USH2A: variants seen among roughly 807,000 people sequenced by gnomAD.
USH2A encodes the protein Usher syndrome 2A (autosomal recessive, mild).
A neutral mutation model predicts 538.9 loss-of-function variants in USH2A; 443 were observed. The ratio of observed to expected loss-of-function variants is 0.82; its 90% CI spans 0.76 to 0.89. The LOEUF (loss-of-function observed/expected upper bound fraction) is 0.89. Among genes scored for constraint, USH2A ranks in the 40% least tolerant of loss-of-function variants. The pLI, the probability that USH2A is intolerant of heterozygous loss-of-function variation, is 0.00. For synonymous variants in USH2A, 2,413 were observed against 2,273.5 expected, an observed-to-expected ratio of 1.06 and a Z score of -1.75; for missense variants, 6,633 against 6,324.8, an observed-to-expected ratio of 1.05 and a Z score of -1.65.
chr1:216,130,546 T>C (rs1029633656), intron 21 of USH2A, among the ~76,000 whole-genome samples: 128 of 146,022 alleles, frequency 8.8e-4, no homozygotes, highest in African/African-American at 3.0e-3. Flanking sequence ...ATATAAAATA[T>C]ATATTTATAT....
chr1:215,668,676 G>A (rs1657707339), intron 64 of USH2A, among the ~76,000 whole-genome samples: 1 of 152,174 alleles, frequency 6.6e-6, no homozygotes, highest in Non-Finnish European at 1.5e-5. Context: ...GTCATCCTTA[G>A]TGCCTGATGA....
chr1:215,830,559 T>C (rs1663283350), intron 47 of USH2A, among the ~76,000 whole-genome samples: 1 of 152,106 alleles, frequency 6.6e-6, no homozygotes, highest in South Asian at 2.1e-4. Context: ...ATCATATCAT[T>C]CTAGCCAAAA....
intron 11 of USH2A, among the ~76,000 whole-genome samples, chr1:216,271,149 C>T (rs534912274): frequency 2.4e-4 from 36 of 152,034 alleles, no homozygotes; most frequent in Non-Finnish European, 4.1e-4. Context: ...TTCAATAGCT[C>T]CCTATTGCCT....
chr1:215,845,890 T>C lies in USH2A; in HGVS notation c.8989A>G (p.Ile2997Val). 1.2e-6 allele frequency: 2 copies of C among 1,613,912 alleles called. No homozygotes were observed. The highest frequency in any genetic ancestry group is 1.7e-6 in the Non-Finnish European group (2 of 1,179,916). ...CTGTGGACTCCATTGAAGACAGAGA[T>C]AAAGATCCAATACTCTGTGTTTGGC... ...LKPNTEYWIF[I>V]SVFNGVHSIN... The change falls in exon 45 of 72, where the codon ATC (isoleucine) becomes GTC (valine). Residue 2997 changes from isoleucine to valine, a missense_variant. Physicochemically the swap from Ile to Val is conservative, Grantham distance 29. Coordinates refer to ENST00000307340, the MANE Select transcript of USH2A (RefSeq NM_206933.4).
chr1:216,211,623 T>TC (rs1338805570), intron 15 of USH2A, among the ~76,000 whole-genome samples: 1 of 152,238 alleles, frequency 6.6e-6, no homozygotes, highest in East Asian at 1.9e-4. Context: ...CTCATTGCCC[T>TC]CCTTTTGTCT....
chr1:215,920,567 C>T (rs570306181), intron 38 of USH2A, among the ~76,000 whole-genome samples: 1 of 152,102 alleles, frequency 6.6e-6, no homozygotes, highest in South Asian at 2.1e-4. Context: ...CTTGTCTAAA[C>T]CCATTGAGGA....
chr1:215,935,156 GT>G (rs542578587), intron 37 of USH2A, among the ~76,000 whole-genome samples: 169 of 151,650 alleles, frequency 1.1e-3, no homozygotes, highest in African/African-American at 3.9e-3. Flanking sequence ...TTTTTTGAGG[GT>G]TTTTTTTCCA....
At chr1:215,696,098 A>G (rs80282753) in intron 61 of USH2A, among the ~76,000 whole-genome samples, 2,017 of 152,296 alleles carry the variant, frequency 0.013, 30 homozygotes, top group Non-Finnish European at 0.019. Context: ...CAGGATACTA[A>G]TAACAGAAGC....
chr1:216,360,987 C>A (rs570875283), intron 4 of USH2A, among the ~76,000 whole-genome samples: 1 of 152,062 alleles, frequency 6.6e-6, no homozygotes, highest in East Asian at 1.9e-4. Flanking sequence ...TGGAGAACTA[C>A]TAGATATGAA....
chr1:216,360,555 T>C (rs909191742), intron 4 of USH2A, among the ~76,000 whole-genome samples: 2 of 152,058 alleles, frequency 1.3e-5, no homozygotes, highest in African/African-American at 4.8e-5. Context: ...TGTGTCAATG[T>C]AGGTTCATCA....
In USH2A at chr1:216,196,575, G is replaced by A. The variant is rs1180649911; in HGVS notation, c.4229C>T (p.Ser1410Phe). ...TACCTGTGAAAACGCCATGGGAATA[G>A]ACTGTTGAGGTGATTGTTCAGAAAG... ...NMLSEQSPQQ[S>F]IPMAFSQLLH... Residue 1410 changes from serine to phenylalanine, a missense_variant, in exon 19 of 72, where the codon TCT (serine) becomes TTT (phenylalanine). Transcript: ENST00000307340. 1 of 1,613,366 alleles carries A rather than the reference G, an allele frequency of 6.2e-7. No homozygotes were observed. The highest frequency in any genetic ancestry group is 1.3e-5 in the African/African-American group (1 of 74,892).
intron 14 of USH2A, among the ~76,000 whole-genome samples, chr1:216,218,808 G>A (rs2035395072): frequency 6.6e-6 from 1 of 152,064 alleles, no homozygotes; most frequent in South Asian, 2.1e-4. Flanking sequence ...TAGATGTTTT[G>A]TTTAGGTTAA....
At chr1:216,196,348 CTT>C (rs1423694510) in intron 19 of USH2A, among the ~76,000 whole-genome samples, 1 of 152,000 alleles carries the variant, frequency 6.6e-6, no homozygotes, top group Non-Finnish European at 1.5e-5. Flanking sequence ...ATTATACCAA[CTT>C]AGTTTCAATA....
intron 13 of USH2A, among the ~76,000 whole-genome samples, chr1:216,240,013 C>CAAAA (rs55691066): frequency 7.5e-4 from 84 of 112,248 alleles, no homozygotes; most frequent in African/African-American, 1.3e-3. Flanking sequence ...ATGAAATAAA[C>CAAAA]AAAAAAAAAA....
intron 64 of USH2A, among the ~76,000 whole-genome samples, chr1:215,669,069 A>AC: frequency 6.6e-6 from 1 of 152,248 alleles, no homozygotes; most frequent in Middle Eastern, 3.4e-3. Context: ...AAACAAACAA[A>AC]AACTGGAATG....
chr1:216,286,037 T>C (rs1285415150), intron 11 of USH2A, among the ~76,000 whole-genome samples: 1 of 152,174 alleles, frequency 6.6e-6, no homozygotes, highest in Non-Finnish European at 1.5e-5. Context: ...ACTTGAACTT[T>C]TGAGTTAATG....
chr1:215,625,015 T>C lies in USH2A; in HGVS notation c.*766A>G, dbSNP rs1374467850. ...CTATAAAATATATGAAATAAAAACA[T>C]TGGTTCAAGTAGAGGTGTTCCTAGT... On this transcript the variant is annotated 3_prime_UTR_variant, in exon 72 of 72. Transcript: ENST00000307340. 1 of 152,190 alleles carries C rather than the reference T, an allele frequency of 6.6e-6. No individual in the cohort carries two copies. The highest frequency in any genetic ancestry group is 2.4e-5 in the African/African-American group (1 of 41,452). 9.4% of individuals were successfully genotyped at this position (152,190 alleles called of 1,614,324 possible). A position where few individuals can be genotyped will look rare whatever the true frequency, so the allele number is the denominator to read the frequency against.
chr1:215,668,426 G>A (rs1304392223), intron 64 of USH2A, among the ~76,000 whole-genome samples: 6 of 152,120 alleles, frequency 3.9e-5, no homozygotes, highest in African/African-American at 1.4e-4. Context: ...TAAGAACTGG[G>A]CCTTTGGGCT....
chr1:216,148,177 C>T (rs1004655186), intron 21 of USH2A, among the ~76,000 whole-genome samples: 16 of 151,916 alleles, frequency 1.1e-4, no homozygotes, highest in African/African-American at 3.9e-4. Context: ...CCCTTGCCTC[C>T]ATAACTGTTG....
Sources: gnomAD v4.1 joint callset for allele counts (sites outside exome capture counted in the v4.1 genomes callset) on GRCh38, gnomAD v4.1.1 for gene constraint, MANE v1.5 for transcripts, NCBI Gene and HGNC (gene_info 2026-07-23, HGNC 2026-07-21) for gene names.